Variants in PKNOX2 observed in about 807,000 individuals in gnomAD.
PKNOX2 encodes the protein homeobox protein PKNOX2.
In PKNOX2, 14 loss-of-function variants were observed where a neutral mutation model predicts 53.1. The observed-to-expected ratio is 0.26, with a 90% CI of 0.17 to 0.41. PKNOX2 has a LOEUF of 0.41. PKNOX2 is among the 10% of genes least tolerant of loss of function. PKNOX2 has a pLI of 1.00. For synonymous variants in PKNOX2, 257 were observed against 242.8 expected (o/e 1.06, Z -0.54); for missense variants, 496 against 602.8 (o/e 0.82, Z 1.85).
In PKNOX2 at chr11:125,397,298, G is replaced by T. The variant is rs138607612; in HGVS notation, c.400-576G>T. ...CACAAGGTAACCGGTATCCCATGAG[G>T]CACTCAGAATGCTTGTTTAAGAATA... is the stretch of plus-strand genomic sequence containing the variant. On this transcript the variant is annotated intron_variant, in intron 6 of 12. Coordinates refer to ENST00000298282, the MANE Select transcript of PKNOX2 (RefSeq NM_001382323.2). Among the ~76,000 whole-genome samples the T allele has an allele frequency of 1.6e-4, 25 of 152,266 alleles. No homozygotes were observed. In the East Asian group the frequency reaches 4.6e-3, roughly 28 times the overall value.
At chr11:125,323,015 C>T (rs1389750508) in intron 2 of PKNOX2, among the ~76,000 whole-genome samples, 2 of 152,196 alleles carry the variant, frequency 1.3e-5, no homozygotes, top group Admixed American at 6.5e-5. Flanking sequence ...AGCAAGGAGT[C>T]CCCTGATGCA....
chr11:125,172,860 C>A (rs1055787541), intron 1 of PKNOX2, among the ~76,000 whole-genome samples: 2 of 152,180 alleles, frequency 1.3e-5, no homozygotes, highest in Admixed American at 1.3e-4. Context: ...TGGTTCTGAC[C>A]CTTCTGATGG....
intron 2 of PKNOX2, among the ~76,000 whole-genome samples, chr11:125,243,623 C>CTTT (rs1284507032): frequency 1.8e-4 from 25 of 138,444 alleles, no homozygotes; most frequent in African/African-American, 6.7e-4. Context: ...CTGGGACTTT[C>CTTT]TTTTTTTTTT....
In PKNOX2 at chr11:125,215,478, G is replaced by A. The variant is rs189526536; in HGVS notation, c.-200-19567G>A. ...ATAAACTGCTATTTCCATGCTGGGC[G>A]CGGTGGCTCATGCCTGCAATCTCAG... On this transcript the variant is annotated intron_variant, in intron 1 of 12. Transcript: ENST00000298282. Among the ~76,000 whole-genome samples, 308 of 152,126 alleles carry A rather than the reference G, an allele frequency of 2.0e-3. 2 individuals are homozygous for A. Among genetic ancestry groups the A allele is most frequent in the Admixed American group, 5.6e-3 (86 of 15,292 alleles).
chr11:125,248,060 C>T (rs182873007), intron 2 of PKNOX2, among the ~76,000 whole-genome samples: 68 of 152,300 alleles, frequency 4.5e-4, no homozygotes, highest in African/African-American at 1.5e-3. Flanking sequence ...CATGTCAGTC[C>T]TCGGTCCATG....
intron 2 of PKNOX2, among the ~76,000 whole-genome samples, chr11:125,271,280 T>C (rs1362386536): frequency 6.6e-6 from 1 of 152,224 alleles, no homozygotes; most frequent in African/African-American, 2.4e-5. Context: ...GCCATTTTGC[T>C]CTGCTTTTAG....
intron 2 of PKNOX2, among the ~76,000 whole-genome samples, chr11:125,281,160 T>A (rs1946530863): frequency 6.6e-6 from 1 of 152,006 alleles, no homozygotes; most frequent in Non-Finnish European, 1.5e-5. Flanking sequence ...GGGCCATGCC[T>A]CCCCTCTGGG....
At chr11:125,184,576 C>G (rs1427315821) in intron 1 of PKNOX2, among the ~76,000 whole-genome samples, 1 of 152,162 alleles carries the variant, frequency 6.6e-6, no homozygotes, top group African/African-American at 2.4e-5. Flanking sequence ...TTGAGCCCAC[C>G]AGTGTGGAAA....
At chr11:125,203,004 T>G (rs1436999596) in intron 1 of PKNOX2, among the ~76,000 whole-genome samples, 1 of 152,146 alleles carries the variant, frequency 6.6e-6, no homozygotes, top group Non-Finnish European at 1.5e-5. Flanking sequence ...CCTTATGTGC[T>G]CTTCATTTTA....
chr11:125,315,303 G>GAAAAAAAAAAAAAA (rs534448203), intron 2 of PKNOX2, among the ~76,000 whole-genome samples: 3 of 79,442 alleles, frequency 3.8e-5, no homozygotes, highest in African/African-American at 1.2e-4. Context: ...TGTGAAGCAG[G>GAAAAAAAAAAAAAA]AAAAAAAAAA....
chr11:125,411,054 C>T (rs1955479903), intron 9 of PKNOX2, 178 bp downstream of exon 9: 1 of 591,512 alleles, frequency 1.7e-6, no homozygotes, highest in Non-Finnish European at 3.0e-6. Context: ...TTTATCAACT[C>T]CTGGGATTTT....
chr11:125,429,816 C>T (rs1017529586), intron 11 of PKNOX2, 147 bp from the exon 12 acceptor site: 9 of 896,954 alleles, frequency 1.0e-5, no homozygotes, highest in Non-Finnish European at 1.5e-5. Context: ...CACCCAGGGC[C>T]CTCCTCCTTG....
intron 2 of PKNOX2, among the ~76,000 whole-genome samples, chr11:125,318,273 A>ATTTTTTTTTT (rs906412845): frequency 7.5e-6 from 1 of 133,424 alleles, no homozygotes; most frequent in African/African-American, 2.9e-5. Context: ...TGCCTGGCTA[A>ATTTTTTTTTT]TTTTTTTTTT....
At chr11:125,192,187 T>G (rs1956917090) in intron 1 of PKNOX2, among the ~76,000 whole-genome samples, 1 of 152,090 alleles carries the variant, frequency 6.6e-6, no homozygotes, top group African/African-American at 2.4e-5. Context: ...GAGTCTCGCT[T>G]TTTCTCACCA....
chr11:125,402,090 T>C (rs1352952763), intron 7 of PKNOX2, among the ~76,000 whole-genome samples: 1 of 152,174 alleles, frequency 6.6e-6, no homozygotes, highest in Non-Finnish European at 1.5e-5. Flanking sequence ...GGTTGAGCGT[T>C]TTCCTGCTCG....
At chr11:125,357,406 C>A (rs190527416) in intron 4 of PKNOX2, among the ~76,000 whole-genome samples, 393 of 152,244 alleles carry the variant, frequency 2.6e-3, no homozygotes, top group Non-Finnish European at 4.3e-3. Flanking sequence ...ACTCTACTGG[C>A]CTGGTCTAGG....
At chr11:125,372,494 T>C (rs961267146) in intron 5 of PKNOX2, among the ~76,000 whole-genome samples, 1 of 152,234 alleles carries the variant, frequency 6.6e-6, no homozygotes, top group East Asian at 1.9e-4. Flanking sequence ...GGGTTCTAAA[T>C]TTGAAATGTT....
chr11:125,303,294 C>A (rs762580724), intron 2 of PKNOX2, among the ~76,000 whole-genome samples: 60 of 152,232 alleles, frequency 3.9e-4, no homozygotes, highest in Non-Finnish European at 8.4e-4. Context: ...GCAAGTGTTA[C>A]GTCACCCTCA....
At chr11:125,262,298 T>A (rs1944919816) in intron 2 of PKNOX2, among the ~76,000 whole-genome samples, 3 of 151,922 alleles carry the variant, frequency 2.0e-5, no homozygotes, top group Non-Finnish European at 4.4e-5. Flanking sequence ...GGGACGAAGG[T>A]CAGAACAGAC....
Sources: gnomAD v4.1 joint callset for allele counts (sites outside exome capture counted in the v4.1 genomes callset) on GRCh38, gnomAD v4.1.1 for gene constraint, MANE v1.5 for transcripts, NCBI Gene and HGNC (gene_info 2026-07-23, HGNC 2026-07-21) for gene names.